Variants in SBF1 observed in about 807,000 individuals in gnomAD.
SBF1 encodes the protein myotubularin-related protein 5.
In SBF1, 65 loss-of-function variants were observed where a neutral mutation model predicts 215.8. The observed-to-expected ratio is 0.30, with a 90% CI of 0.25 to 0.37. The LOEUF is 0.37. Among genes scored for constraint, SBF1 ranks in the 10% least tolerant of loss-of-function variants. The pLI, the probability that SBF1 is intolerant of heterozygous loss-of-function variation, is 1.00. For missense variants in SBF1, 2,634 were observed against 2,667.8 expected (o/e 0.99, Z 0.28); for synonymous variants, 1,410 against 1,122.8 (o/e 1.26, Z -5.11).
At chr22:50,471,477 G>A (rs905901803) in intron 1 of SBF1, among the ~76,000 whole-genome samples, 21 of 152,182 alleles carry the variant, frequency 1.4e-4, no homozygotes, top group Non-Finnish European at 2.9e-5. Context: ...AGCCTCTCCT[G>A]TTTCCCCACC....
chr22:50,457,233 C>A, intron 28 of SBF1, 122 bp from the exon 29 acceptor site: 2 of 722,428 alleles, frequency 2.8e-6, no homozygotes, highest in South Asian at 2.6e-5. Context: ...CAGCAGGGGT[C>A]AGCCCCAAGT....
At chr22:50,453,003 C>T (rs1476347218) in intron 36 of SBF1, among the ~76,000 whole-genome samples, 2 of 151,358 alleles carry the variant, frequency 1.3e-5, no homozygotes, top group African/African-American at 2.4e-5. Context: ...GAAAAAAAAT[C>T]AAAGGGACAA....
chr22:50,457,099 C>A lies in SBF1; in HGVS notation c.3839G>T (p.Arg1280Ile). The A allele has an allele frequency of 6.7e-7, 1 of 1,488,130 alleles. No individual in the cohort carries two copies. The highest frequency in any genetic ancestry group is 8.9e-7 in the Non-Finnish European group (1 of 1,128,276). The allele number at this position is 1,488,130 out of a possible 1,614,324, so 92.2% of individuals were successfully genotyped here. ...AHMGSHVPSP[R>I]ARVTTLSNPM... ...GTTGGACAGCGTGGTGACCCTGGCT[C>A]TGGGGCTGGGAACTGAGGGCACAGC... The change falls in exon 29 of 41, where the codon AGA becomes ATA. Residue 1280 changes from arginine to isoleucine, a missense_variant. Coordinates refer to ENST00000380817, the MANE Select transcript of SBF1 (RefSeq NM_002972.4).
chr22:50,461,938 C>T lies in SBF1; in HGVS notation c.2569+9G>A, dbSNP rs371821331. 3.2e-5 allele frequency: 52 copies of T among 1,613,950 alleles called. No homozygotes were observed. The East Asian group carries it at 3.8e-4, about 12-fold the overall frequency. ...TCCAAGGGGGAATCACCAGCCCAAA[C>T]CCCCGTACCTGGCACCATGACATGC... is the stretch of plus-strand genomic sequence containing the variant. On this transcript the variant is annotated intron_variant, in intron 20 of 40. Coordinates refer to ENST00000380817, the MANE Select transcript of SBF1 (RefSeq NM_002972.4).
At chr22:50,457,857 C>G (rs1289653985) in intron 28 of SBF1, among the ~76,000 whole-genome samples, 1 of 152,228 alleles carries the variant, frequency 6.6e-6, no homozygotes, top group African/African-American at 2.4e-5. Flanking sequence ...CCCTCGTCCA[C>G]CAAGTGGTCA....
In SBF1 at chr22:50,455,339, T is replaced by A; in HGVS notation, c.4439A>T (p.Glu1480Val). 6.2e-7 allele frequency: 1 copy of A among 1,613,532 alleles called. No individual in the cohort carries two copies. The highest frequency in any genetic ancestry group is 8.5e-7 in the Non-Finnish European group (1 of 1,179,948). The change falls in exon 33 of 41, where the codon GAG (glutamate) becomes GTG (valine). Residue 1480 changes from glutamate to valine, a missense_variant. Physicochemically the swap from Glu to Val is moderately radical, Grantham distance 121. Coordinates refer to ENST00000380817, the MANE Select transcript of SBF1 (RefSeq NM_002972.4). ...ATGGCCGAAGGACAGCCACTCCTTCTCCACCAGCAGGCGAAAGCCCTCCAG... is the reference window on the plus strand; with the variant it reads ...ATGGCCGAAGGACAGCCACTCCTTCACCACCAGCAGGCGAAAGCCCTCCAG... ...RTLEGFRLLV[E>V]KEWLSFGHRF...
chr22:50,448,709 A>G (rs958707069), intron 36 of SBF1, 59 bp from the exon 37 acceptor site: 4 of 1,358,098 alleles, frequency 2.9e-6, no homozygotes, highest in African/African-American at 2.9e-5. Context: ...TAGAGCACGA[A>G]AAGACAAAAG....
Position 50,467,590 on chromosome 22 carries a change from A to G in SBF1, c.380T>C (p.Leu127Pro). Reference sequence around the variant, plus strand: ...CAGTACCAGCGTCTTCGGTGCAAACAGCTGGGCAGATGGGGCAGGTGCTGT... The same window carrying G: ...CAGTACCAGCGTCTTCGGTGCAAACGGCTGGGCAGATGGGGCAGGTGCTGT... ...SPTAPAPSAQ[L>P]FAPKTLVLVS... is the part of the protein sequence containing the mutation. The change falls in exon 4 of 41, where the codon CTG (leucine) becomes CCG (proline). Residue 127 changes from leucine (L) to proline (P), a missense_variant. Physicochemically the swap from Leu to Pro is moderately conservative, Grantham distance 98. Coordinates refer to ENST00000380817, the MANE Select transcript of SBF1 (RefSeq NM_002972.4). 6.2e-7 allele frequency: 1 copy of G among 1,614,078 alleles called. No individual in the cohort carries two copies. Among genetic ancestry groups the G allele is most frequent in the Non-Finnish European group, 8.5e-7 (1 of 1,179,992 alleles).
At chr22:50,463,920 G>A (rs1438149911) in intron 15 of SBF1, among the ~76,000 whole-genome samples, 1 of 152,242 alleles carries the variant, frequency 6.6e-6, no homozygotes, top group African/African-American at 2.4e-5. Context: ...ACCACAGAGA[G>A]CAAAACAGCA....
At chr22:50,455,641 C>G in intron 31 of SBF1, 59 bp from the exon 32 acceptor site, 2 of 1,416,550 alleles carry the variant, frequency 1.4e-6, no homozygotes, top group Non-Finnish European at 1.9e-6. Context: ...CCTGGCCACT[C>G]ACCAGGCCAG....
chr22:50,461,788 C>A lies in SBF1; in HGVS notation c.2643+8G>T. 1 of 1,613,050 alleles carries A rather than the reference C, an allele frequency of 6.2e-7. No individual in the cohort carries two copies. Among genetic ancestry groups the A allele is most frequent in the South Asian group, 1.1e-5 (1 of 91,070 alleles). On this transcript the variant is annotated splice_region_variant and intron_variant, in intron 21 of 40. Coordinates refer to ENST00000380817, the MANE Select transcript of SBF1 (RefSeq NM_002972.4). Reference sequence around the variant, plus strand: ...TGGGCCCCCGCAGCCCCAACGGCCCCCGCAAACCTTCTGGATGGGCGGCAG... The same window carrying A: ...TGGGCCCCCGCAGCCCCAACGGCCCACGCAAACCTTCTGGATGGGCGGCAG...
intron 10 of SBF1, 125 bp from the exon 11 acceptor site, chr22:50,465,453 C>A: frequency 1.2e-6 from 1 of 812,570 alleles, no homozygotes; most frequent in South Asian, 1.7e-5. Context: ...GCCCCTCCCA[C>A]CATTCTGCAC....
chr22:50,474,404 T>A, intron 1 of SBF1, among the ~76,000 whole-genome samples: 1 of 152,192 alleles, frequency 6.6e-6, no homozygotes, highest in Non-Finnish European at 1.5e-5. Context: ...CGCCCGCAGC[T>A]GGCCAAGGAG....
intron 15 of SBF1, among the ~76,000 whole-genome samples, chr22:50,464,061 C>T (rs556182342): frequency 1.2e-4 from 18 of 152,332 alleles, no homozygotes; most frequent in Admixed American, 2.6e-4. Context: ...AGGACACAGA[C>T]GAAACATAAT....
rs1254754365 is a variant in SBF1 at position 50,460,623 on chromosome 22, G to A, written c.3057C>T (p.Asp1019=). 1.9e-6 allele frequency: 3 copies of A among 1,614,112 alleles called. No homozygotes were observed. Among genetic ancestry groups the A allele is most frequent in the Admixed American group, 1.7e-5 (1 of 60,034 alleles). Residue 1019 remains aspartate, a synonymous_variant, in exon 24 of 41, where the codon GAC becomes GAT. Transcript: ENST00000380817. ...AGGTGAACGCAAAGGTGGCCCTGAT[G>A]TCCGGCGGGTACCGCAGCTTATGCA... ...KQLHKLRYPP[D]IRATFAFTLG... is the part of the protein sequence containing the mutation.
chr22:50,448,777 G>A, intron 36 of SBF1, 127 bp from the exon 37 acceptor site: 1 of 680,250 alleles, frequency 1.5e-6, no homozygotes, highest in Middle Eastern at 2.6e-4. Flanking sequence ...CTGGCCACAG[G>A]GGGAGGTGGC....
In SBF1 at chr22:50,447,259, C is replaced by T. The variant is rs375373932; in HGVS notation, c.5584-19G>A. ...TCTTCACCTGGGGAAGGGCGGGTTA[C>T]TGACTCCGCAGCCCCCACACCGCAG... On this transcript the variant is annotated intron_variant, in intron 40 of 40. Coordinates refer to ENST00000380817, the MANE Select transcript of SBF1 (RefSeq NM_002972.4). The T allele has an allele frequency of 6.2e-7, 1 of 1,613,618 alleles. No individual in the cohort carries two copies. The highest frequency in any genetic ancestry group is 8.5e-7 in the Non-Finnish European group (1 of 1,179,730).
At position 50,467,894 on chromosome 22, in the gene SBF1, A is replaced by G. The variant is rs1423682507; in HGVS notation, c.171T>C (p.Cys57=). ...LFCQPSGWQL[C]PERNPPTFFV... ...AGAAGGTCGGTGGATTCCTCTCGGGACACAGCTGCCACCCGCTGGGCTGGC... is the reference window on the plus strand; with the variant it reads ...AGAAGGTCGGTGGATTCCTCTCGGGGCACAGCTGCCACCCGCTGGGCTGGC... Residue 57 remains cysteine, a synonymous_variant, in exon 3 of 41, where the codon TGT becomes TGC. Transcript: ENST00000380817. 1.9e-6 allele frequency: 3 copies of G among 1,613,974 alleles called. No individual in the cohort carries two copies. Among genetic ancestry groups the G allele is most frequent in the Non-Finnish European group, 2.5e-6 (3 of 1,179,966 alleles).
chr22:50,458,623 G>A (rs528667625), intron 28 of SBF1, among the ~76,000 whole-genome samples: 1 of 152,372 alleles, frequency 6.6e-6, no homozygotes, highest in Admixed American at 6.5e-5. Flanking sequence ...GAGAACAGGT[G>A]GTCCGGACAC....
Sources: allele counts gnomAD v4.1 joint callset (sites outside exome capture counted in the v4.1 genomes callset), GRCh38; gene constraint gnomAD v4.1.1; transcripts MANE v1.5; gene names NCBI Gene and HGNC (gene_info 2026-07-23, HGNC 2026-07-21).